VAV3: variants seen among roughly 807,000 people sequenced by gnomAD.
The protein encoded by VAV3 is vav guanine nucleotide exchange factor 3.
In VAV3, 94 loss-of-function variants were observed where a neutral mutation model predicts 131.2. The observed-to-expected ratio is 0.72, with a 90% CI of 0.61 to 0.85. The LOEUF is 0.85. Among genes scored for constraint, VAV3 ranks in the 40% least tolerant of loss-of-function variants. The probability of loss-of-function intolerance (pLI) is 0.00; values close to 1 mark genes in which losing one functional copy is unlikely to be tolerated. For synonymous variants in VAV3, 349 were observed against 342.0 expected (o/e 1.02, Z -0.22); for missense variants, 939 against 1,002.7 (o/e 0.94, Z 0.86).
chr1:107,812,505 TG>T (rs1667359542), intron 2 of VAV3, among the ~76,000 whole-genome samples: 3 of 151,788 alleles, frequency 2.0e-5, no homozygotes, highest in Non-Finnish European at 4.4e-5. Flanking sequence ...CAATACTAGA[TG>T]GAAACAGCTG....
chr1:107,804,913 AGC>A (rs1666992554), intron 2 of VAV3, among the ~76,000 whole-genome samples: 2 of 148,944 alleles, frequency 1.3e-5, no homozygotes, highest in Admixed American at 1.3e-4. Flanking sequence ...TGTGAAGGAT[AGC>A]GTTGTTGAAA....
intron 15 of VAV3, among the ~76,000 whole-genome samples, chr1:107,738,435 C>T (rs771966605): frequency 4.6e-5 from 7 of 152,154 alleles, no homozygotes; most frequent in Non-Finnish European, 7.4e-5. Context: ...TATCACTCTA[C>T]CCCTAGTGTG....
intron 25 of VAV3, among the ~76,000 whole-genome samples, chr1:107,583,452 A>AAAAGC (rs1358769602): frequency 1.3e-5 from 2 of 152,166 alleles, no homozygotes; most frequent in African/African-American, 4.8e-5. Context: ...TCAGTTAGGA[A>AAAAGC]AAGAGGAAGT....
chr1:107,807,295 T>C (rs1274423928), intron 2 of VAV3, among the ~76,000 whole-genome samples: 1 of 152,214 alleles, frequency 6.6e-6, no homozygotes, highest in Non-Finnish European at 1.5e-5. Context: ...CCACAGCAAC[T>C]TTCTTTTCTT....
chr1:107,943,910 A>T (rs1206779984), intron 1 of VAV3, among the ~76,000 whole-genome samples: 1 of 152,206 alleles, frequency 6.6e-6, no homozygotes, highest in African/African-American at 2.4e-5. Flanking sequence ...AGCTGTGCCC[A>T]CAAAACCCAA....
intron 1 of VAV3, among the ~76,000 whole-genome samples, chr1:107,917,629 T>A (rs1241321346): frequency 1.3e-5 from 2 of 152,142 alleles, no homozygotes; most frequent in East Asian, 3.9e-4. Context: ...ATGTTTGAAG[T>A]TACAGAAGAA....
chr1:107,664,887 T>C (rs1247644743), intron 19 of VAV3, among the ~76,000 whole-genome samples: 1 of 152,218 alleles, frequency 6.6e-6, no homozygotes, highest in Non-Finnish European at 1.5e-5. Context: ...AGTCAAGTCA[T>C]TTTGTTCAGA....
At chr1:107,650,026 C>G (rs751681228) in intron 19 of VAV3, among the ~76,000 whole-genome samples, 8 of 151,984 alleles carry the variant, frequency 5.3e-5, no homozygotes, top group Non-Finnish European at 7.4e-5. Context: ...GGTAGGCCAT[C>G]AGGTCAGGGT....
At chr1:107,952,457 A>T (rs1411021667) in intron 1 of VAV3, among the ~76,000 whole-genome samples, 1 of 95,634 alleles carries the variant, frequency 1.0e-5, no homozygotes, top group East Asian at 3.5e-4. Context: ...CCCCGAACTT[A>T]TAACAAAACT....
rs535395486 is a variant in VAV3 at position 107,672,990 on chromosome 1, A to G, written c.1777+10498T>C. ...AAATTTGGCAACATCTACATCCAAA[A>G]TCTAGGAGTTCATATGCTTTGACCC... On this transcript the variant is annotated intron_variant, in intron 19 of 26. Coordinates refer to ENST00000370056, the MANE Select transcript of VAV3 (RefSeq NM_006113.5). Among the ~76,000 whole-genome samples the G allele has an allele frequency of 2.0e-5, 3 of 152,312 alleles. No individual in the cohort carries two copies. The South Asian group carries it at 6.2e-4, about 32-fold the overall frequency.
intron 2 of VAV3, among the ~76,000 whole-genome samples, chr1:107,844,454 A>G (rs985471946): frequency 2.6e-5 from 4 of 152,152 alleles, no homozygotes; most frequent in African/African-American, 9.7e-5. Context: ...TGGTTCCTGG[A>G]ACACCAGCGA....
chr1:107,678,722 ATTT>A (rs1658391849), intron 19 of VAV3, among the ~76,000 whole-genome samples: 1 of 152,008 alleles, frequency 6.6e-6, no homozygotes. Context: ...CAGTATAAAA[ATTT>A]TTATTTATAT....
chr1:107,906,860 C>A (rs1310901092), intron 1 of VAV3, among the ~76,000 whole-genome samples: 1 of 152,024 alleles, frequency 6.6e-6, no homozygotes, highest in Non-Finnish European at 1.5e-5. Context: ...TCTCTAGAGA[C>A]CCTTGGTCCA....
intron 25 of VAV3, among the ~76,000 whole-genome samples, chr1:107,584,965 A>T (rs1650367515): frequency 6.6e-6 from 1 of 152,192 alleles, no homozygotes; most frequent in Non-Finnish European, 1.5e-5. Flanking sequence ...ATCATAGGAG[A>T]TATAATGAAT....
intron 2 of VAV3, among the ~76,000 whole-genome samples, chr1:107,841,028 G>C (rs1328106160): frequency 6.6e-6 from 1 of 152,146 alleles, no homozygotes; most frequent in African/African-American, 2.4e-5. Context: ...AAGAACTGAG[G>C]TTTAAGCTGA....
At chr1:107,754,172 A>G (rs1176199251) in intron 12 of VAV3, among the ~76,000 whole-genome samples, 1 of 152,186 alleles carries the variant, frequency 6.6e-6, no homozygotes, top group Non-Finnish European at 1.5e-5. Context: ...ATCACTGAGG[A>G]CCTTAAATAT....
At position 107,596,270 on chromosome 1, in the gene VAV3, A is replaced by G; in HGVS notation, c.2292T>C (p.Phe764=). 4 of 1,613,650 alleles carry G rather than the reference A, an allele frequency of 2.5e-6. No individual in the cohort carries two copies. The highest frequency in any genetic ancestry group is 3.4e-6 in the Non-Finnish European group (4 of 1,179,630). The change falls in exon 25 of 27, where the codon TTT becomes TTC. Residue 764 remains phenylalanine, a synonymous_variant. Coordinates refer to ENST00000370056, the MANE Select transcript of VAV3 (RefSeq NM_006113.5). ...CTGAATGTTCTGGCTCCTTGTATGG[A>G]AACTGCAGAGTTGTATCTAAGGTTC... ...GFRTLDTTLQ[F]PYKEPEHSAG...
intron 1 of VAV3, among the ~76,000 whole-genome samples, chr1:107,957,068 T>G (rs553497859): frequency 1.1e-4 from 16 of 152,104 alleles, no homozygotes; most frequent in Non-Finnish European, 2.4e-4. Flanking sequence ...TGCATGAAAC[T>G]GAGAAGAGAG....
chr1:107,943,181 CTTTTTA>C, intron 1 of VAV3, among the ~76,000 whole-genome samples: 1 of 151,564 alleles, frequency 6.6e-6, no homozygotes, highest in African/African-American at 2.4e-5. Context: ...TCTTTTTTTC[CTTTTTA>C]TTTTTAGTTC....
Sources: gnomAD v4.1 joint callset for allele counts (sites outside exome capture counted in the v4.1 genomes callset) on GRCh38, gnomAD v4.1.1 for gene constraint, MANE v1.5 for transcripts, NCBI Gene and HGNC (gene_info 2026-07-23, HGNC 2026-07-21) for gene names.